HHLA2: variants seen among roughly 807,000 people sequenced by gnomAD.
HHLA2 encodes HERV-H LTR-associating protein 2.
Under a neutral mutation model 45.9 loss-of-function variants are expected in HHLA2, and 48 were observed. That is an observed-to-expected ratio of 1.05 (90% CI 0.83 to 1.33). The LOEUF (loss-of-function observed/expected upper bound fraction) is 1.33. HHLA2 is among the 40% of genes most tolerant of loss of function. HHLA2 has a pLI of 0.00. For synonymous variants in HHLA2, 161 were observed against 173.9 expected, an observed-to-expected ratio of 0.93 and a Z score of 0.59; for missense variants, 462 against 494.3, an observed-to-expected ratio of 0.93 and a Z score of 0.62.
At chr3:108,373,348 C>T (rs1331710490) in intron 8 of HHLA2, among the ~76,000 whole-genome samples, 13 of 152,122 alleles carry the variant, frequency 8.5e-5, no homozygotes. Context: ...TAAGAGCTAT[C>T]TGTGACAAAC....
chr3:108,372,394 C>A (rs1269073218), intron 8 of HHLA2, among the ~76,000 whole-genome samples: 1 of 151,604 alleles, frequency 6.6e-6, no homozygotes, highest in African/African-American at 2.4e-5. Context: ...AAAATTGACA[C>A]CCTAACATCA....
At chr3:108,373,080 A>G (rs2082208727) in intron 8 of HHLA2, among the ~76,000 whole-genome samples, 3 of 152,252 alleles carry the variant, frequency 2.0e-5, no homozygotes, top group Admixed American at 6.5e-5. Flanking sequence ...AAAATCCTCA[A>G]TAAAATATTG....
At chr3:108,370,757 C>A (rs910015582) in intron 8 of HHLA2, among the ~76,000 whole-genome samples, 3 of 151,924 alleles carry the variant, frequency 2.0e-5, no homozygotes, top group East Asian at 1.9e-4. Flanking sequence ...TGAAACGAAG[C>A]GAGAAGAGAA....
chr3:108,325,728 C>T (rs1034868282), intron 2 of HHLA2: 16 of 242,564 alleles, frequency 6.6e-5, no homozygotes, highest in Middle Eastern at 1.5e-3. Context: ...CCATTATAGC[C>T]GTGCCCGCAG....
At chr3:108,317,152 C>G (rs951724121) in intron 2 of HHLA2, among the ~76,000 whole-genome samples, 10 of 152,126 alleles carry the variant, frequency 6.6e-5, no homozygotes, top group Non-Finnish European at 1.3e-4. Context: ...GAAGGGGAAC[C>G]TTTTGTCTTT....
intron 3 of HHLA2, among the ~76,000 whole-genome samples, chr3:108,351,205 A>G (rs1182969511): frequency 6.6e-6 from 1 of 152,204 alleles, no homozygotes; most frequent in Non-Finnish European, 1.5e-5. Flanking sequence ...TTTGTAACCC[A>G]TGAATTTAAT....
intron 8 of HHLA2, among the ~76,000 whole-genome samples, chr3:108,373,480 C>A (rs538589808): frequency 0.011 from 1,706 of 152,122 alleles, 25 homozygotes; most frequent in African/African-American, 0.032. Flanking sequence ...CTGGCCAGGG[C>A]AATCAGGCAG....
At chr3:108,305,998 T>A (rs1344193097) in intron 1 of HHLA2, among the ~76,000 whole-genome samples, 1 of 152,152 alleles carries the variant, frequency 6.6e-6, no homozygotes, top group African/African-American at 2.4e-5. Context: ...CAGCTGATGC[T>A]CCACTGATTA....
At chr3:108,375,245 G>C (rs6437778) in intron 8 of HHLA2, among the ~76,000 whole-genome samples, 9,641 of 151,244 alleles carry the variant, frequency 0.064, 1,017 homozygotes, top group East Asian at 0.45. Flanking sequence ...AACCAAACAC[G>C]GCATATTCTC....
Position 108,375,814 on chromosome 3 carries a change from G to A in HHLA2, c.1159+14G>A. On this transcript the variant is annotated intron_variant, in intron 9 of 10. Transcript: ENST00000619531. ...GAGCCCAACAAGGTCAGCCTCCCATGTCTGAGAGAAGAATGGATTCTGGTT... is the reference window on the plus strand; with the variant it reads ...GAGCCCAACAAGGTCAGCCTCCCATATCTGAGAGAAGAATGGATTCTGGTT... 1 of 1,609,014 alleles carries A rather than the reference G, an allele frequency of 6.2e-7. No individual in the cohort carries two copies. The highest frequency in any genetic ancestry group is 8.5e-7 in the Non-Finnish European group (1 of 1,177,002).
At chr3:108,317,624 G>A (rs2081123851) in intron 2 of HHLA2, among the ~76,000 whole-genome samples, 1 of 150,952 alleles carries the variant, frequency 6.6e-6, no homozygotes, top group South Asian at 2.1e-4. Context: ...GCCCAGGCTG[G>A]AGTGCAGTGG....
At chr3:108,364,297 T>C (rs2082027695) in intron 8 of HHLA2, among the ~76,000 whole-genome samples, 1 of 152,230 alleles carries the variant, frequency 6.6e-6, no homozygotes, top group Non-Finnish European at 1.5e-5. Context: ...TCCAGCTTCA[T>C]CCATGTCCCT....
chr3:108,371,175 A>G (rs2082163400), intron 8 of HHLA2, among the ~76,000 whole-genome samples: 1 of 152,236 alleles, frequency 6.6e-6, no homozygotes, highest in East Asian at 1.9e-4. Flanking sequence ...CCAATATTCA[A>G]CATTCTCAAA....
intron 1 of HHLA2, among the ~76,000 whole-genome samples, chr3:108,310,291 G>A (rs1009713262): frequency 5.1e-4 from 77 of 152,052 alleles, no homozygotes; most frequent in African/African-American, 1.8e-3. Context: ...TGAATAAAAA[G>A]CAATTATACA....
intron 2 of HHLA2, among the ~76,000 whole-genome samples, chr3:108,325,260 T>G (rs2081267877): frequency 6.6e-6 from 1 of 152,204 alleles, no homozygotes; most frequent in African/African-American, 2.4e-5. Context: ...TTAAAACCCT[T>G]TGATGGAATG....
chr3:108,316,737 T>C (rs1293457096), intron 2 of HHLA2, among the ~76,000 whole-genome samples: 1 of 152,244 alleles, frequency 6.6e-6, no homozygotes. Flanking sequence ...TATTGGCTTT[T>C]ATTTTGAAAT....
intron 3 of HHLA2, among the ~76,000 whole-genome samples, chr3:108,339,449 A>G (rs551155993): frequency 6.6e-6 from 1 of 152,160 alleles, no homozygotes; most frequent in Admixed American, 6.6e-5. Flanking sequence ...TGAGCAAATT[A>G]CTTAACCTCT....
rs2081861808 is a variant in HHLA2, at chr3:108,355,152, CACAA to C, written c.460_463del (p.Asn154AlafsTer3). On this transcript the variant is annotated frameshift_variant, in exon 6 of 11. Coordinates refer to ENST00000619531, the Ensembl canonical transcript of HHLA2. LOFTEE classifies it high-confidence loss of function. ...CCGTGATGAAGTATGAAAAGAGGAA[CACAA>C]ACAGCTTCTTAATATGCAGCGTGTT... The C allele has an allele frequency of 6.2e-7, 1 of 1,613,316 alleles. No homozygotes were observed. The highest frequency in any genetic ancestry group is 1.7e-5 in the Admixed American group (1 of 59,876).
At chr3:108,299,045 C>T (rs937066332) in intron 1 of HHLA2, among the ~76,000 whole-genome samples, 1 of 152,160 alleles carries the variant, frequency 6.6e-6, no homozygotes, top group African/African-American at 2.4e-5. Flanking sequence ...ACCAAGAACA[C>T]CTTCTGAAGG....
Sources: allele counts gnomAD v4.1 joint callset (sites outside exome capture counted in the v4.1 genomes callset), GRCh38; gene constraint gnomAD v4.1.1; transcripts MANE v1.5; gene names NCBI Gene and HGNC (gene_info 2026-07-23, HGNC 2026-07-21).